RIMBP2: variants seen among roughly 807,000 people sequenced by gnomAD.
The protein encoded by RIMBP2 is RIMS-binding protein 2.
A neutral mutation model predicts 118.6 loss-of-function variants in RIMBP2; 48 were observed. The observed-to-expected ratio is 0.40, with a 90% confidence interval of 0.32 to 0.51. RIMBP2 has a LOEUF of 0.51. Among genes scored for constraint, RIMBP2 ranks in the 20% least tolerant of loss-of-function variants. RIMBP2 has a pLI of 0.41. For missense variants in RIMBP2, 1,551 were observed against 1,768.3 expected (o/e 0.88, Z 2.20); for synonymous variants, 762 against 742.9 (o/e 1.03, Z -0.42).
chr12:130,615,141 G>A (rs2060821145), intron 2 of RIMBP2, among the ~76,000 whole-genome samples: 1 of 144,952 alleles, frequency 6.9e-6, no homozygotes. Context: ...TATACATTAT[G>A]TATATACATA....
At position 130,436,990 on chromosome 12, in the gene RIMBP2, C is replaced by A; in HGVS notation, c.1958G>T (p.Gly653Val). The A allele has an allele frequency of 6.2e-7, 1 of 1,608,890 alleles. No individual in the cohort carries two copies. The highest frequency in any genetic ancestry group is 8.5e-7 in the Non-Finnish European group (1 of 1,177,460). Residue 653 changes from glycine (G) to valine (V), a missense_variant, in exon 13 of 23, where the codon GGG (glycine) becomes GTG (valine). Around this residue, in one of 5 missense-constraint regions of RIMBP2, gnomAD observed 1,038 missense variants for 1,125.1 expected, o/e 0.92. Transcript: ENST00000690449. ...GCCCACGGGCGGCTCCAGCATGTGC[C>A]CATGCACAGGGCCAGGTGCACGGCT... Reference protein sequence around the residue: ...EQSRAPGPVHGHMLEPPVGPG... With the variant: ...EQSRAPGPVHVHMLEPPVGPG...
In RIMBP2 at chr12:130,692,647, T is replaced by C. The variant is rs1224030513; in HGVS notation, c.-352+23575A>G. ...AAAGAGTTATCCAAGCTGCAGGTCC[T>C]GCTGCATTGGATTGTGGAATCAATT... is the stretch of plus-strand genomic sequence containing the variant. On this transcript the variant is annotated intron_variant, in intron 1 of 22. Coordinates refer to ENST00000690449, the MANE Select transcript of RIMBP2 (RefSeq NM_001393629.1). 2.0e-5 allele frequency among the ~76,000 whole-genome samples: 3 copies of C among 152,292 alleles called. No individual in the cohort carries two copies. The East Asian group carries it at 5.8e-4, about 29-fold the overall frequency.
At chr12:130,539,852 G>C (rs1181269144) in intron 2 of RIMBP2, among the ~76,000 whole-genome samples, 1 of 122,156 alleles carries the variant, frequency 8.2e-6, no homozygotes, top group Non-Finnish European at 1.7e-5. Context: ...GAGGTGGCCA[G>C]GTGTAGGATA....
intron 2 of RIMBP2, among the ~76,000 whole-genome samples, chr12:130,569,402 C>T (rs749328556): frequency 8.5e-5 from 13 of 152,190 alleles, no homozygotes; most frequent in African/African-American, 2.7e-4. Context: ...TCTCCAAAAA[C>T]TCACCGCACT....
chr12:130,639,206 A>G (rs770861776), intron 1 of RIMBP2, among the ~76,000 whole-genome samples: 3 of 151,666 alleles, frequency 2.0e-5, no homozygotes, highest in Non-Finnish European at 4.4e-5. Context: ...TAGGCAACAT[A>G]GTGAAACCCC....
At chr12:130,490,123 CAAA>C (rs35698241) in intron 4 of RIMBP2, among the ~76,000 whole-genome samples, 1,208 of 95,408 alleles carry the variant, frequency 0.013, 24 homozygotes, top group African/African-American at 0.043. Context: ...GACTCTGTCT[CAAA>C]AAAAAAAAAA....
Position 130,438,335 on chromosome 12 carries a change from A to ACCCCCCCCCCCCCCC in RIMBP2, c.1656+29_1656+30insGGGGGGGGGGGGGGG, listed in dbSNP as rs146625626. On this transcript the variant is annotated intron_variant, in intron 12 of 22. Coordinates refer to ENST00000690449, the MANE Select transcript of RIMBP2 (RefSeq NM_001393629.1). ...TCCCTGCTGCGTTAGGGCCTAACAA[A>ACCCCCCCCCCCCCCC]CCCTCCCCACCCACCCAACGAAAAC... The ACCCCCCCCCCCCCCC allele has an allele frequency of 2.2e-4, 192 of 865,658 alleles. 1 individual carries two copies. The highest frequency in any genetic ancestry group is 2.8e-4 in the Non-Finnish European group (148 of 523,218). 53.6% of individuals were successfully genotyped at this position (865,658 alleles called of 1,614,324 possible). A position where few individuals can be genotyped will look rare whatever the true frequency, so the allele number is the denominator to read the frequency against.
At chr12:130,439,793 A>T (rs1301077817) in intron 11 of RIMBP2, among the ~76,000 whole-genome samples, 1 of 98,472 alleles carries the variant, frequency 1.0e-5, no homozygotes, top group African/African-American at 4.0e-5. Flanking sequence ...GTGTATGTGT[A>T]TCTGTCTATG....
chr12:130,661,635 G>A (rs1298182818), intron 1 of RIMBP2, among the ~76,000 whole-genome samples: 6 of 152,164 alleles, frequency 3.9e-5, no homozygotes, highest in Non-Finnish European at 5.9e-5. Flanking sequence ...TAAAGCTTAC[G>A]TAACTACACG....
At chr12:130,604,431 A>G (rs922173555) in intron 2 of RIMBP2, among the ~76,000 whole-genome samples, 1 of 149,730 alleles carries the variant, frequency 6.7e-6, no homozygotes, top group African/African-American at 2.5e-5. Context: ...TAAAGCCTAC[A>G]GTCGTGCAGT....
chr12:130,689,203 C>T (rs12312203), intron 1 of RIMBP2, among the ~76,000 whole-genome samples: 47,633 of 151,952 alleles, frequency 0.31, 8,939 homozygotes, highest in African/African-American at 0.52. Context: ...AATCCTGAGG[C>T]GGGTGGATCA....
chr12:130,490,551 G>A (rs1010014050), intron 4 of RIMBP2, among the ~76,000 whole-genome samples: 6 of 152,292 alleles, frequency 3.9e-5, no homozygotes, highest in Admixed American at 3.3e-4. Context: ...CAGGGAGATG[G>A]GGGTGAAGAT....
intron 2 of RIMBP2, among the ~76,000 whole-genome samples, chr12:130,603,742 G>A (rs773344988): frequency 2.6e-5 from 4 of 152,104 alleles, no homozygotes; most frequent in Non-Finnish European, 4.4e-5. Flanking sequence ...AGGTAACATC[G>A]CAGCACAGTG....
chr12:130,595,724 C>T (rs1041619347), intron 2 of RIMBP2, among the ~76,000 whole-genome samples: 3 of 152,170 alleles, frequency 2.0e-5, no homozygotes, highest in Non-Finnish European at 4.4e-5. Flanking sequence ...GAAGCTCCTC[C>T]GGGAGACTTT....
chr12:130,471,516 A>G (rs1339879138), intron 5 of RIMBP2, among the ~76,000 whole-genome samples: 1 of 152,110 alleles, frequency 6.6e-6, no homozygotes, highest in African/African-American at 2.4e-5. Context: ...AGTCTCACTA[A>G]CTTTTCTGCA....
At chr12:130,452,608 G>C (rs1001126930) in intron 7 of RIMBP2, among the ~76,000 whole-genome samples, 1 of 152,254 alleles carries the variant, frequency 6.6e-6, no homozygotes, top group African/African-American at 2.4e-5. Context: ...TCTGCTCCCA[G>C]CCACGAGAGT....
chr12:130,399,032 A>T (rs985503392), intron 22 of RIMBP2: 20 of 633,424 alleles, frequency 3.2e-5, no homozygotes, highest in Non-Finnish European at 5.0e-5. Flanking sequence ...TAACCCCACA[A>T]TGAAGCCTTA....
At chr12:130,645,772 A>AACTT (rs1157183099) in intron 1 of RIMBP2, among the ~76,000 whole-genome samples, 1 of 152,170 alleles carries the variant, frequency 6.6e-6, no homozygotes, top group Non-Finnish European at 1.5e-5. Context: ...AGGTTATTTA[A>AACTT]ACTTACACAT....
intron 1 of RIMBP2, among the ~76,000 whole-genome samples, chr12:130,677,644 A>T (rs1003775860): frequency 6.6e-6 from 1 of 152,074 alleles, no homozygotes. Context: ...AACAAACAAA[A>T]AAAAGATTAC....
Sources: gnomAD v4.1 joint callset for allele counts (sites outside exome capture counted in the v4.1 genomes callset) on GRCh38, gnomAD v4.1.1 for gene constraint, gnomAD v4.1.1 regional missense constraint, MANE v1.5 for transcripts, NCBI Gene and HGNC (gene_info 2026-07-23, HGNC 2026-07-21) for gene names.